The following FOCAD variants were observed in gnomAD, a reference collection of about 807,000 sequenced individuals.
The protein encoded by FOCAD is KIAA1797.
FOCAD carries 198 observed loss-of-function variants against 225.6 expected under a neutral mutation model. That is an observed-to-expected ratio of 0.88 (90% confidence interval 0.78 to 0.99). The LOEUF (loss-of-function observed/expected upper bound fraction) is 0.99. Ranked by LOEUF, FOCAD falls within the 50% of genes least tolerant of loss-of-function variation. The pLI is 0.00. For missense variants in FOCAD, 2,713 were observed against 2,123.6 expected (o/e 1.28, Z -5.46); for synonymous variants, 897 against 755.0 (o/e 1.19, Z -3.08).
chr9:20,668,920 C>T (rs1485138990), intron 2 of FOCAD, among the ~76,000 whole-genome samples: 1 of 152,176 alleles, frequency 6.6e-6, no homozygotes, highest in East Asian at 1.9e-4. Flanking sequence ...TCCCCGTTTT[C>T]TCCTCTAGGT....
intron 2 of FOCAD, among the ~76,000 whole-genome samples, chr9:20,671,500 A>G (rs1205533204): frequency 6.6e-6 from 1 of 152,212 alleles, no homozygotes; most frequent in Non-Finnish European, 1.5e-5. Context: ...TGTGCACTAC[A>G]GGAGAGCAGA....
chr9:20,937,402 C>G (rs1289362637), intron 28 of FOCAD, among the ~76,000 whole-genome samples: 1 of 152,140 alleles, frequency 6.6e-6, no homozygotes, highest in African/African-American at 2.4e-5. Flanking sequence ...TGGAGCAGAA[C>G]AGAGCTCTCA....
chr9:20,864,595 C>A (rs1316563295), intron 16 of FOCAD, among the ~76,000 whole-genome samples: 1 of 151,946 alleles, frequency 6.6e-6, no homozygotes, highest in Non-Finnish European at 1.5e-5. Context: ...TTATACTGTT[C>A]TAAGAACGTT....
At chr9:20,991,154 C>T (rs1841634380) in intron 42 of FOCAD, among the ~76,000 whole-genome samples, 1 of 152,096 alleles carries the variant, frequency 6.6e-6, no homozygotes, top group East Asian at 1.9e-4. Flanking sequence ...CAAAAGGAAA[C>T]ATTTTTTGGT....
Position 20,923,726 on chromosome 9 carries a change from A to G in FOCAD, c.2919A>G (p.Arg973=), listed in dbSNP as rs1834676181. Residue 973 remains arginine, a synonymous_variant, in exon 25 of 44, where the codon AGA becomes AGG. Coordinates refer to ENST00000338382, the MANE Select transcript of FOCAD (RefSeq NM_001375567.1). ...ALSSLAVVVS[R]HEASLSSDSD... ...GCAGCCTTGCTGTCGTCGTATCTAG[A>G]CATGAAGCCAGCCTCTCCTCAGACT... 1.2e-6 allele frequency: 2 copies of G among 1,613,906 alleles called. No individual in the cohort carries two copies. The highest frequency in any genetic ancestry group is 1.3e-5 in the African/African-American group (1 of 74,920).
At chr9:20,676,943 C>G (rs1286460721) in intron 2 of FOCAD, among the ~76,000 whole-genome samples, 4 of 152,096 alleles carry the variant, frequency 2.6e-5, no homozygotes, top group African/African-American at 9.7e-5. Context: ...CAATCTTGAA[C>G]AAGAAGAACA....
intron 3 of FOCAD, 123 bp downstream of exon 3, chr9:20,717,991 G>C: frequency 1.5e-6 from 1 of 651,128 alleles, no homozygotes; most frequent in Non-Finnish European, 2.5e-6. Context: ...TGAACTGTGA[G>C]AACTTCATTG....
intron 39 of FOCAD, among the ~76,000 whole-genome samples, chr9:20,984,850 G>A (rs1225813394): frequency 6.6e-6 from 1 of 152,114 alleles, no homozygotes; most frequent in Non-Finnish European, 1.5e-5. Context: ...TCCCAGCCTG[G>A]AATGCAGTGG....
intron 37 of FOCAD, among the ~76,000 whole-genome samples, chr9:20,980,527 T>C (rs1840603502): frequency 6.6e-6 from 1 of 152,200 alleles, no homozygotes; most frequent in South Asian, 2.1e-4. Context: ...GAGTTCATTT[T>C]CTTAAATATA....
rs187143852 is a variant in FOCAD at position 20,951,249 on chromosome 9, A to T, written c.4051+151A>T. 431 of 636,568 alleles carry T rather than the reference A, an allele frequency of 6.8e-4. 2 individuals are homozygous for T. The highest frequency in any genetic ancestry group is 3.9e-3 in the Middle Eastern group (13 of 3,292). 39.4% of individuals were successfully genotyped at this position (636,568 alleles called of 1,614,324 possible). ...ACGTCAGAGGGAAATGGTGTATGGA[A>T]AGGCTTCCTGACTTACCCAGGGTCA... On this transcript the variant is annotated intron_variant, in intron 34 of 43. Coordinates refer to ENST00000338382, the MANE Select transcript of FOCAD (RefSeq NM_001375567.1).
chr9:20,824,988 A>G (rs961224349), intron 15 of FOCAD, among the ~76,000 whole-genome samples: 1 of 152,048 alleles, frequency 6.6e-6, no homozygotes, highest in African/African-American at 2.4e-5. Context: ...ATTTGTTGAA[A>G]ATGACTGCAT....
At chr9:20,662,054 TG>T (rs1185087930) in intron 2 of FOCAD, among the ~76,000 whole-genome samples, 18 of 152,374 alleles carry the variant, frequency 1.2e-4, no homozygotes, top group African/African-American at 3.6e-4. Context: ...GTATGATATT[TG>T]CCTTAGTTGC....
intron 15 of FOCAD, among the ~76,000 whole-genome samples, chr9:20,853,202 C>G (rs200364429): frequency 6.6e-6 from 1 of 151,816 alleles, no homozygotes; most frequent in East Asian, 1.9e-4. Flanking sequence ...TCTGTTCCTG[C>G]AGAGAAATCA....
At chr9:20,883,390 A>G (rs1317930217) in intron 20 of FOCAD, among the ~76,000 whole-genome samples, 1 of 152,232 alleles carries the variant, frequency 6.6e-6, no homozygotes, top group African/African-American at 2.4e-5. Context: ...TATCTGAACA[A>G]TCTATGAACA....
chr9:20,816,268 T>G (rs1823719424), intron 11 of FOCAD, among the ~76,000 whole-genome samples: 1 of 152,174 alleles, frequency 6.6e-6, no homozygotes, highest in South Asian at 2.1e-4. Flanking sequence ...TCATTGCCCT[T>G]CTAAAAACTA....
intron 11 of FOCAD, among the ~76,000 whole-genome samples, chr9:20,806,559 A>G (rs1040329200): frequency 6.6e-6 from 1 of 152,200 alleles, no homozygotes; most frequent in African/African-American, 2.4e-5. Flanking sequence ...GAATCTAAGT[A>G]CTTGTAAGAT....
At chr9:20,884,450 C>T (rs954423723) in intron 20 of FOCAD, among the ~76,000 whole-genome samples, 4 of 151,926 alleles carry the variant, frequency 2.6e-5, no homozygotes, top group African/African-American at 9.7e-5. Context: ...GTGTTCGCCA[C>T]CATGCCTGGC....
chr9:20,665,197 A>G (rs1209656386), intron 2 of FOCAD, among the ~76,000 whole-genome samples: 1 of 152,186 alleles, frequency 6.6e-6, no homozygotes, highest in Non-Finnish European at 1.5e-5. Flanking sequence ...TTTTATTAAG[A>G]CTGAGTCCCA....
rs536906807 is a variant in FOCAD, at chr9:20,839,933, A to G, written c.1920+16818A>G. Among the ~76,000 whole-genome samples the G allele has an allele frequency of 2.0e-5, 3 of 152,064 alleles. No homozygotes were observed. The South Asian group carries it at 6.2e-4, about 32-fold the overall frequency. ...GAGGTGACTATCCTTTCCCCAGTGT[A>G]TGTTCTTGGCATCTTTGTCAAAAAT... On this transcript the variant is annotated intron_variant, in intron 15 of 43. Transcript: ENST00000338382.
Sources: allele counts gnomAD v4.1 joint callset (sites outside exome capture counted in the v4.1 genomes callset), GRCh38; gene constraint gnomAD v4.1.1; transcripts MANE v1.5; gene names NCBI Gene and HGNC (gene_info 2026-07-23, HGNC 2026-07-21).